Variants in UBXN11 observed in about 807,000 individuals in gnomAD.
UBXN11 encodes the protein UBX domain-containing protein 11.
UBXN11 carries 47 observed loss-of-function variants against 62.8 expected under a neutral mutation model. The observed-to-expected ratio is 0.75, with a 90% CI of 0.59 to 0.95. The LOEUF is 0.95. Ranked by LOEUF, UBXN11 falls within the 40% of genes least tolerant of loss-of-function variation. The pLI is 0.00. For missense variants in UBXN11, 638 were observed against 661.7 expected (o/e 0.96, Z 0.39); for synonymous variants, 294 against 267.0 (o/e 1.10, Z -0.99).
chr1:26,318,046 C>A lies in UBXN11; in HGVS notation c.-149+1G>T, dbSNP rs77928789. The A allele has an allele frequency of 0.011, 17,125 of 1,614,104 alleles. 949 individuals are homozygous for A. The Admixed American group carries it at 0.16, about 15-fold the overall frequency. ...AAGCGCTTCCTCTTCCTCCTACTCACCATCAGCCTCCTGGTTATGGTACAG... is the reference window on the plus strand; with the variant it reads ...AAGCGCTTCCTCTTCCTCCTACTCAACATCAGCCTCCTGGTTATGGTACAG... On this transcript the variant is annotated splice_donor_variant, in intron 1 of 14. Transcript: ENST00000374217. LOFTEE classifies it low-confidence loss of function (5UTR_SPLICE).
In UBXN11 at chr1:26,285,975, T is replaced by C; in HGVS notation, c.622A>G (p.Ser208Gly). Residue 208 changes from serine (S) to glycine (G), a missense_variant, in exon 9 of 15, where the codon AGT becomes GGT. Transcript: ENST00000374222. ...GTGTCACCCTCTACCACCAGCTCACTAAGATCCTGCAGGCTGGCCAGCAGC... is the reference window on the plus strand; with the variant it reads ...GTGTCACCCTCTACCACCAGCTCACCAAGATCCTGCAGGCTGGCCAGCAGC... ...DRLLASLQDL[S>G]ELVVEGDTQV... 1.2e-6 allele frequency: 2 copies of C among 1,613,158 alleles called. No homozygotes were observed. The highest frequency in any genetic ancestry group is 2.2e-5 in the East Asian group (1 of 44,856).
intron 8 of UBXN11, among the ~76,000 whole-genome samples, chr1:26,291,272 G>T (rs1219423313): frequency 6.6e-6 from 1 of 152,198 alleles, no homozygotes; most frequent in Non-Finnish European, 1.5e-5. Context: ...TGGCACCTGG[G>T]GAGAGAGGAA....
In UBXN11 at chr1:26,295,693, C is replaced by T. The variant is rs899648493; in HGVS notation, c.432+1226G>A. Among the ~76,000 whole-genome samples, 15 of 152,332 alleles carry T rather than the reference C, an allele frequency of 9.8e-5. 1 individual carries two copies. Among genetic ancestry groups the T allele is most frequent in the African/African-American group, 3.1e-4 (13 of 41,572 alleles). On this transcript the variant is annotated intron_variant, in intron 7 of 14. Transcript: ENST00000374222. ...CAATGTCACCCCCGCAGGTGGTCCC[C>T]CAACTTGCCTCTGTGGTGTCACCCA...
At chr1:26,283,237 C>T (rs1435846532) in intron 12 of UBXN11, among the ~76,000 whole-genome samples, 4 of 151,986 alleles carry the variant, frequency 2.6e-5, no homozygotes, top group Non-Finnish European at 5.9e-5. Context: ...AGGCTTCCCT[C>T]GGAAAATGAC....
intron 1 of UBXN11, among the ~76,000 whole-genome samples, chr1:26,304,006 C>G (rs2073602790): frequency 6.6e-6 from 1 of 152,198 alleles, no homozygotes; most frequent in South Asian, 2.1e-4. Context: ...ATCCGCCCCC[C>G]TCGACCTCCC....
At chr1:26,310,681 T>C (rs1259201159), upstream of UBXN11, among the ~76,000 whole-genome samples, 2 of 145,248 alleles carry the variant, frequency 1.4e-5, no homozygotes, top group East Asian at 2.0e-4. Context: ...TGAGCCAAGA[T>C]TGCGCCACTG....
intron 8 of UBXN11, among the ~76,000 whole-genome samples, chr1:26,289,751 T>TGGAGAG (rs1311904330): frequency 6.6e-6 from 1 of 152,166 alleles, no homozygotes; most frequent in Non-Finnish European, 1.5e-5. Flanking sequence ...GACCCTACCA[T>TGGAGAG]GCTCAGTGGA....
intron 1 of UBXN11, chr1:26,317,930 A>G: frequency 8.3e-7 from 1 of 1,204,852 alleles, no homozygotes; most frequent in Non-Finnish European, 1.2e-6. Context: ...CTCCTGGTTC[A>G]AAAGCAGCTA....
At chr1:26,317,953 C>T in intron 1 of UBXN11, 1 of 1,440,698 alleles carries the variant, frequency 6.9e-7, no homozygotes, top group African/African-American at 1.4e-5. Context: ...CCAAAAGAAG[C>T]CTCCAGACAG....
intron 10 of UBXN11, 25 bp from the exon 11 acceptor site, chr1:26,284,507 G>A (rs758561143): frequency 3.8e-6 from 6 of 1,571,696 alleles, no homozygotes; most frequent in South Asian, 1.2e-5. Context: ...GGGCAACGAC[G>A]GCAGCGGACC....
upstream of UBXN11, among the ~76,000 whole-genome samples, chr1:26,308,506 C>T (rs148358187): frequency 1.1e-3 from 167 of 152,092 alleles, 1 homozygote; most frequent in African/African-American, 3.9e-3. Context: ...GGAGTCTGGG[C>T]GGAAAGTGTG....
intron 8 of UBXN11, among the ~76,000 whole-genome samples, chr1:26,287,323 A>T (rs754255679): frequency 6.6e-6 from 1 of 152,122 alleles, no homozygotes; most frequent in Non-Finnish European, 1.5e-5. Context: ...CGTGTGGCGC[A>T]TACAGCTGTG....
In UBXN11 at chr1:26,284,231, C is replaced by T. The variant is rs768375587; in HGVS notation, c.988G>A (p.Ala330Thr). The T allele has an allele frequency of 8.1e-6, 13 of 1,612,490 alleles. No individual in the cohort carries two copies. Among genetic ancestry groups the T allele is most frequent in the Non-Finnish European group, 1.1e-5 (13 of 1,179,162 alleles). ...GGGAGCCTGTTCAGAAATTTCTCAG[C>T]AGTCATCCTGGAGCCTACAGGCAGA... ...VEEHPGSRMT[A>T]EKFLNRLPKF... Residue 330 changes from alanine to threonine, a missense_variant, in exon 12 of 15, where the codon GCT (alanine) becomes ACT (threonine). By Grantham distance (58) the Ala-to-Thr change is moderately conservative. Transcript: ENST00000374222.
At chr1:26,307,922 C>G (rs990964522), upstream of UBXN11, among the ~76,000 whole-genome samples, 4 of 152,046 alleles carry the variant, frequency 2.6e-5, no homozygotes, top group Non-Finnish European at 5.9e-5. Flanking sequence ...AAATTGGAAG[C>G]TAAAGAGAGC....
In UBXN11 at chr1:26,297,905, G is replaced by A. The variant is rs895110026; in HGVS notation, c.300+57C>T. 3.0e-5 allele frequency: 47 copies of A among 1,574,430 alleles called. 1 individual carries two copies. The highest frequency in any genetic ancestry group is 3.4e-4 in the Middle Eastern group (2 of 5,956). On this transcript the variant is annotated intron_variant, in intron 5 of 14. Transcript: ENST00000374222. ...CCTAGTCCAACTCCTGGCCTCCCCA[G>A]CCCAGTCCCTCCACCTCTCAGACCG...
At chr1:26,315,580 C>T (rs1205040540) in intron 1 of UBXN11, among the ~76,000 whole-genome samples, 3 of 152,196 alleles carry the variant, frequency 2.0e-5, no homozygotes, top group African/African-American at 7.2e-5. Flanking sequence ...GGGGACTCCT[C>T]CCTCTTCTCT....
At chr1:26,304,816 T>C (rs2073624369) in intron 1 of UBXN11, among the ~76,000 whole-genome samples, 2 of 151,898 alleles carry the variant, frequency 1.3e-5, no homozygotes, top group African/African-American at 4.8e-5. Flanking sequence ...CCTGACCTCA[T>C]CTCCCATCTT....
chr1:26,290,663 G>T (rs1231738813), intron 8 of UBXN11, among the ~76,000 whole-genome samples: 1 of 152,170 alleles, frequency 6.6e-6, no homozygotes, highest in Admixed American at 6.5e-5. Flanking sequence ...AGACTCAGGA[G>T]TGTGGGGCTT....
chr1:26,311,048 T>C (rs1322842904), upstream of UBXN11, among the ~76,000 whole-genome samples: 2 of 152,162 alleles, frequency 1.3e-5, no homozygotes, highest in Non-Finnish European at 2.9e-5. Context: ...GAGGGAGGTC[T>C]TGAACAAGGC....
Sources: gnomAD v4.1 joint callset for allele counts (sites outside exome capture counted in the v4.1 genomes callset) on GRCh38, gnomAD v4.1.1 for gene constraint, MANE v1.5 for transcripts, NCBI Gene and HGNC (gene_info 2026-07-23, HGNC 2026-07-21) for gene names.